DCAF8: variants seen among roughly 807,000 people sequenced by gnomAD.
DCAF8 encodes DDB1- and CUL4-associated factor 8.
In DCAF8, 20 loss-of-function variants were observed where a neutral mutation model predicts 68.0. That is an observed-to-expected ratio of 0.29 (90% confidence interval 0.21 to 0.43). The LOEUF (loss-of-function observed/expected upper bound fraction) is 0.43, where lower values mean the gene tolerates loss of function less well. Ranked by LOEUF, DCAF8 falls within the 20% of genes least tolerant of loss-of-function variation. The pLI, the probability that DCAF8 is intolerant of heterozygous loss-of-function variation, is 1.00. For missense variants in DCAF8, 460 were observed against 771.0 expected (o/e 0.60, Z 4.78); for synonymous variants, 230 against 276.9 (o/e 0.83, Z 1.68).
chr1:160,238,624 T>C lies in DCAF8; in HGVS notation c.847A>G (p.Lys283Glu), dbSNP rs1655975579. ...TTACTTACCTTGTGGGACGCTCCCTTGTGCTGGGCCACACGTTTTGTATTC... is the reference window on the plus strand; with the variant it reads ...TTACTTACCTTGTGGGACGCTCCCTCGTGCTGGGCCACACGTTTTGTATTC... ...CKNTKRVAQH[K>E]GASHKLALEP... The change falls in exon 5 of 14, where the codon AAG (lysine) becomes GAG (glutamate). Residue 283 changes from lysine (K) to glutamate (E), a missense_variant. Coordinates refer to ENST00000368074, the MANE Select transcript of DCAF8 (RefSeq NM_015726.4). 6.2e-7 allele frequency: 1 copy of C among 1,608,786 alleles called. No individual in the cohort carries two copies. Among genetic ancestry groups the C allele is most frequent in the African/African-American group, 1.3e-5 (1 of 74,540 alleles).
rs1271669620 is a variant in DCAF8 at position 160,235,975 on chromosome 1, G to C, written c.959+1160C>G. On this transcript the variant is annotated intron_variant, in intron 6 of 13. Coordinates refer to ENST00000368074, the MANE Select transcript of DCAF8 (RefSeq NM_015726.4). ...GCTGGTCTCAAACTCCTGACCTCAA[G>C]TGATCCACCTGCCTTGGCCTCCCAA... is the stretch of plus-strand genomic sequence containing the variant. Among the ~76,000 whole-genome samples the C allele has an allele frequency of 3.3e-5, 5 of 152,288 alleles. No homozygotes were observed. In the East Asian group the frequency reaches 9.6e-4, roughly 29 times the overall value.
At position 160,224,482 on chromosome 1, in the gene DCAF8, C is replaced by T; in HGVS notation, c.1269G>A (p.Gln423=). 1 of 1,614,140 alleles carries T rather than the reference C, an allele frequency of 6.2e-7. No homozygotes were observed. The highest frequency in any genetic ancestry group is 8.5e-7 in the Non-Finnish European group (1 of 1,179,984). ...TGTGGCCCTTGTATCTCTTAACATA[C>T]TGGGCCCCATCACTGTGAGAGGAGT... ...LFNSSHSDGA[Q]YVKRYKGHRN... is the part of the protein sequence containing the mutation. Residue 423 remains glutamine (Q), a synonymous_variant, in exon 10 of 14, where the codon CAG becomes CAA. Coordinates refer to ENST00000368074, the MANE Select transcript of DCAF8 (RefSeq NM_015726.4).
At chr1:160,262,292 G>T (rs1204068906) in intron 1 of DCAF8, 157 bp downstream of exon 1, 4 of 398,718 alleles carry the variant, frequency 1.0e-5, no homozygotes, top group African/African-American at 4.1e-5. Context: ...GGTCAAGGGA[G>T]GGGGGGTGTC....
At chr1:160,219,346 A>G (rs540675075) in intron 11 of DCAF8, 1 of 171,514 alleles carries the variant, frequency 5.8e-6, no homozygotes, top group African/African-American at 2.4e-5. Context: ...GGAAAAAACC[A>G]TCTCAGTGGC....
At position 160,237,711 on chromosome 1, in the gene DCAF8, TGTTTG is replaced by T. The variant is rs1384673686; in HGVS notation, c.865-487_865-483del. Among the ~76,000 whole-genome samples, 5 of 151,996 alleles carry T rather than the reference TGTTTG, an allele frequency of 3.3e-5. No homozygotes were observed. In the East Asian group the frequency reaches 7.7e-4, roughly 23 times the overall value. On this transcript the variant is annotated intron_variant, in intron 5 of 13. Transcript: ENST00000368074. ...CTGGCTAATTTTTTCGCTTTTTTTT[TGTTTG>T]TTTTCCACAGATGGGGTCTTGCTAT...
chr1:160,219,267 G>A (rs1377714291), intron 11 of DCAF8: 6 of 258,044 alleles, frequency 2.3e-5, no homozygotes, highest in East Asian at 7.1e-5. Context: ...TGCTGGCTTC[G>A]TAAGAAGACA....
intron 4 of DCAF8, 176 bp downstream of exon 4, chr1:160,239,521 T>G: frequency 6.6e-7 from 1 of 1,514,860 alleles, no homozygotes. Flanking sequence ...TCAAGGAATC[T>G]AGGGTTGCCA....
chr1:160,262,160 G>C (rs1657122451), intron 1 of DCAF8: 1 of 395,312 alleles, frequency 2.5e-6, no homozygotes, highest in South Asian at 1.4e-4. Context: ...ACTTCGGGTC[G>C]GCGGAAGGAA....
chr1:160,261,339 T>C lies in DCAF8; in HGVS notation c.-81A>G, dbSNP rs1366301147. On this transcript the variant is annotated 5_prime_UTR_variant, in exon 2 of 14. Coordinates refer to ENST00000368074, the MANE Select transcript of DCAF8 (RefSeq NM_015726.4). Reference sequence around the variant, plus strand: ...CAGGCTGAGCTCCTGAGAAAATAGGTCTGTAGATTCACTGAAGGACTGAGA... The same window carrying C: ...CAGGCTGAGCTCCTGAGAAAATAGGCCTGTAGATTCACTGAAGGACTGAGA... 1 of 152,228 alleles carries C rather than the reference T, an allele frequency of 6.6e-6. No homozygotes were observed. Among genetic ancestry groups the C allele is most frequent in the Non-Finnish European group, 1.5e-5 (1 of 68,042 alleles). 9.4% of individuals were successfully genotyped at this position (152,228 alleles called of 1,614,324 possible).
At chr1:160,261,629 C>T (rs968021273) in intron 1 of DCAF8, 1 of 152,172 alleles carries the variant, frequency 6.6e-6, no homozygotes, top group Non-Finnish European at 1.5e-5. Context: ...CAACGCTAAA[C>T]CATAACCAAA....
intron 6 of DCAF8, among the ~76,000 whole-genome samples, chr1:160,236,356 A>G (rs952321554): frequency 2.6e-5 from 4 of 151,306 alleles, no homozygotes; most frequent in Non-Finnish European, 5.9e-5. Flanking sequence ...GTGTGTACAT[A>G]TGTGTGTATA....
chr1:160,238,210 A>C (rs73027627), intron 5 of DCAF8, among the ~76,000 whole-genome samples: 4,008 of 152,300 alleles, frequency 0.026, 209 homozygotes, highest in African/African-American at 0.092. Context: ...AAACAGTGCT[A>C]TTTGTGAACT....
At chr1:160,217,749 A>C (rs201805205) in intron 13 of DCAF8, 41 bp from the exon 14 acceptor site, 171 of 1,522,256 alleles carry the variant, frequency 1.1e-4, no homozygotes, top group Non-Finnish European at 1.5e-4. Context: ...CCCTGGATGG[A>C]ACAAGGACAA....
intron 2 of DCAF8, among the ~76,000 whole-genome samples, chr1:160,250,323 G>A (rs548631663): frequency 1.3e-5 from 2 of 151,908 alleles, no homozygotes; most frequent in Non-Finnish European, 2.9e-5. Flanking sequence ...AATATTAGCC[G>A]GGCGTGGTAG....
intron 5 of DCAF8, 122 bp from the exon 6 acceptor site, chr1:160,237,351 TTTTTGTCATAAAA>T: frequency 1.5e-6 from 1 of 673,294 alleles, no homozygotes; most frequent in South Asian, 2.0e-5. Context: ...AATGTCTACC[TTTTTGTCATAAAA>T]TCCCAGGAAA....
At chr1:160,259,863 T>C (rs1048387811) in intron 2 of DCAF8, among the ~76,000 whole-genome samples, 1 of 152,132 alleles carries the variant, frequency 6.6e-6, no homozygotes, top group Admixed American at 6.5e-5. Context: ...TTTTGAAATA[T>C]ACATACACCA....
chr1:160,256,124 A>G (rs1026833950), intron 2 of DCAF8, among the ~76,000 whole-genome samples: 1 of 143,370 alleles, frequency 7.0e-6, no homozygotes, highest in Non-Finnish European at 1.5e-5. Flanking sequence ...AGTAGTTGGG[A>G]TTACAGGTAC....
At chr1:160,219,092 G>C in intron 11 of DCAF8, 124 bp from the exon 12 acceptor site, 1 of 1,384,822 alleles carries the variant, frequency 7.2e-7, no homozygotes, top group Non-Finnish European at 9.8e-7. Flanking sequence ...GGGGAAGGGA[G>C]GCCCACCCAT....
At chr1:160,242,118 G>A (rs1378112861) in intron 3 of DCAF8, among the ~76,000 whole-genome samples, 1 of 152,048 alleles carries the variant, frequency 6.6e-6, no homozygotes, top group Non-Finnish European at 1.5e-5. Context: ...GGTGGCATGT[G>A]CCTGTAATCC....
Sources: gnomAD v4.1 joint callset for allele counts (sites outside exome capture counted in the v4.1 genomes callset) on GRCh38, gnomAD v4.1.1 for gene constraint, MANE v1.5 for transcripts, NCBI Gene and HGNC (gene_info 2026-07-23, HGNC 2026-07-21) for gene names.